The following RADX variants were observed in gnomAD, a reference collection of about 807,000 sequenced individuals.
RADX encodes the protein RPA1 related single stranded DNA binding protein, X-linked, also known as RPA-related protein RADX.
RADX carries 36 observed loss-of-function variants against 61.6 expected under a neutral mutation model. The ratio of observed to expected loss-of-function variants is 0.58; its 90% confidence interval spans 0.45 to 0.77. The LOEUF (loss-of-function observed/expected upper bound fraction) is 0.77. Among genes scored for constraint, RADX ranks in the 30% least tolerant of loss-of-function variants. RADX has a pLI of 0.00. For synonymous variants in RADX, 272 were observed against 237.9 expected, an observed-to-expected ratio of 1.14 and a Z score of -1.32; for missense variants, 497 against 651.1, an observed-to-expected ratio of 0.76 and a Z score of 2.58.
chrX:106,672,295 C>G (rs141173176), intron 13 of RADX, among the ~76,000 whole-genome samples: 507 of 111,577 alleles, frequency 4.5e-3, no homozygotes, highest in Non-Finnish European at 7.8e-3. Context: ...CAGTAACTCC[C>G]CATTCTCCCC....
At chrX:106,675,731 T>C (rs1275549261) in intron 13 of RADX, among the ~76,000 whole-genome samples, 1 of 112,371 alleles carries the variant, frequency 8.9e-6, no homozygotes, top group Non-Finnish European at 1.9e-5. Context: ...TTTTTGTAAT[T>C]CTAGCAATTT....
chrX:106,620,255 G>A (rs1926912178), intron 1 of RADX, among the ~76,000 whole-genome samples: 1 of 111,455 alleles, frequency 9.0e-6, no homozygotes, highest in Admixed American at 9.5e-5. Context: ...TTATTTTTTG[G>A]TTTTGGAAAA....
chrX:106,616,458 A>C (rs765396847), intron 1 of RADX, among the ~76,000 whole-genome samples: 6 of 111,533 alleles, frequency 5.4e-5, no homozygotes, highest in Non-Finnish European at 1.1e-4. Context: ...TCCTTTGTTC[A>C]TATTTTTCTT....
chrX:106,612,775 A>G (rs777557918), intron 1 of RADX, 52 bp downstream of exon 1: 49 of 1,082,352 alleles, frequency 4.5e-5, no homozygotes, highest in Non-Finnish European at 1.1e-5. Flanking sequence ...AGTTTTCAGG[A>G]GCTTGCGTGA....
chrX:106,624,090 C>A (rs747096811), intron 2 of RADX, among the ~76,000 whole-genome samples: 8 of 111,503 alleles, frequency 7.2e-5, no homozygotes, highest in Non-Finnish European at 1.3e-4. Flanking sequence ...TTGTTTTCTA[C>A]CTTTCATACC....
At chrX:106,659,679 G>A (rs1451107458) in intron 11 of RADX, among the ~76,000 whole-genome samples, 1 of 110,523 alleles carries the variant, frequency 9.0e-6, no homozygotes, top group Non-Finnish European at 1.9e-5. Context: ...TCTTTGATTT[G>A]TTACTATTCA....
intron 10 of RADX, among the ~76,000 whole-genome samples, chrX:106,641,357 G>A (rs1246169298): frequency 9.0e-6 from 1 of 110,523 alleles, no homozygotes; most frequent in African/African-American, 3.3e-5. Context: ...TTATCCCATA[G>A]CACCATCAAT....
At chrX:106,629,702 A>G (rs1308146347) in intron 3 of RADX, among the ~76,000 whole-genome samples, 1 of 111,627 alleles carries the variant, frequency 9.0e-6, no homozygotes, top group Non-Finnish European at 1.9e-5. Context: ...TAACCGTGAT[A>G]ATCAAAACCA....
chrX:106,660,259 A>T (rs1364991537), intron 11 of RADX, among the ~76,000 whole-genome samples: 2 of 111,921 alleles, frequency 1.8e-5, no homozygotes, highest in Non-Finnish European at 3.8e-5. Context: ...AATCATTATT[A>T]TAGGAATTTG....
chrX:106,645,567 A>G (rs1927636225), intron 10 of RADX, among the ~76,000 whole-genome samples: 1 of 111,731 alleles, frequency 9.0e-6, no homozygotes, highest in Non-Finnish European at 1.9e-5. Context: ...AGTTTCCAAA[A>G]TCATTCTTGT....
At chrX:106,646,859 A>G (rs972183761) in intron 10 of RADX, among the ~76,000 whole-genome samples, 1 of 111,508 alleles carries the variant, frequency 9.0e-6, no homozygotes, top group Non-Finnish European at 1.9e-5. Context: ...ATTTATTTTT[A>G]ATTTTTGTAA....
At chrX:106,637,090 T>C (rs1927377118) in intron 7 of RADX, among the ~76,000 whole-genome samples, 1 of 111,825 alleles carries the variant, frequency 8.9e-6, no homozygotes, top group Non-Finnish European at 1.9e-5. Flanking sequence ...TCATTACTTG[T>C]CTGCAAGTAT....
chrX:106,647,226 A>G (rs1342166453), intron 10 of RADX, among the ~76,000 whole-genome samples: 1 of 111,290 alleles, frequency 9.0e-6, no homozygotes, highest in African/African-American at 3.3e-5. Flanking sequence ...CCCACAAATA[A>G]GTGAGAACAT....
intron 12 of RADX, among the ~76,000 whole-genome samples, chrX:106,663,344 A>G (rs1928149714): frequency 9.0e-6 from 1 of 111,561 alleles, no homozygotes; most frequent in South Asian, 3.7e-4. Context: ...GAAAAGTCTG[A>G]ATTCTCACTG....
In RADX at chrX:106,662,274, A is replaced by G. The variant is rs1466719394; in HGVS notation, c.2238A>G (p.Arg746=). 3 of 1,207,687 alleles carry G rather than the reference A, an allele frequency of 2.5e-6. No individual in the cohort carries two copies. Among genetic ancestry groups the G allele is most frequent in the Non-Finnish European group, 3.4e-6 (3 of 893,967 alleles). The change falls in exon 12 of 14, where the codon CGA becomes CGG. Residue 746 remains arginine, a synonymous_variant. Transcript: ENST00000372548. ...AACTTGATGATTTTAAGAGCGCCCG[A>G]AGCCTTGGACATTTTGAAGTAACCA... ...PPKLDDFKSA[R]SLGHFEVTIL...
rs760344526 is a variant in RADX, at chrX:106,633,030, T to C, written c.1180+7T>C. 2 of 1,199,416 alleles carry C rather than the reference T, an allele frequency of 1.7e-6. No individual in the cohort carries two copies. Among genetic ancestry groups the C allele is most frequent in the South Asian group, 1.8e-5 (1 of 56,205 alleles). ...CAGCGGTCAAAAAAGAAAGGTAAGC[T>C]TTTAAAATTGAAAATCATAAAAAGT... On this transcript the variant is annotated splice_region_variant and intron_variant, in intron 5 of 13. Transcript: ENST00000372548.
intron 12 of RADX, among the ~76,000 whole-genome samples, chrX:106,667,661 T>A (rs1928263051): frequency 9.0e-6 from 1 of 110,977 alleles, no homozygotes; most frequent in African/African-American, 3.3e-5. Context: ...CAGTAAAAAA[T>A]TCACTGATAA....
intron 1 of RADX, among the ~76,000 whole-genome samples, chrX:106,615,245 G>T (rs1470954689): frequency 8.9e-6 from 1 of 112,041 alleles, no homozygotes; most frequent in African/African-American, 3.3e-5. Flanking sequence ...ATTCACTTTT[G>T]CCATTGTATA....
chrX:106,647,964 C>A (rs1927703173), intron 10 of RADX, among the ~76,000 whole-genome samples: 1 of 110,491 alleles, frequency 9.1e-6, no homozygotes, highest in African/African-American at 3.3e-5. Flanking sequence ...TTCTCCCATT[C>A]TGTGGGTTGT....
Sources: gnomAD v4.1 joint callset for allele counts (sites outside exome capture counted in the v4.1 genomes callset) on GRCh38, gnomAD v4.1.1 for gene constraint, MANE v1.5 for transcripts, NCBI Gene and HGNC (gene_info 2026-07-23, HGNC 2026-07-21) for gene names.